The following ZNF140 variants were observed in gnomAD, a reference collection of about 807,000 sequenced individuals.
ZNF140 encodes the protein zinc finger protein 140 (clone pHZ-39).
ZNF140 carries 13 observed loss-of-function variants against 12.9 expected under a neutral mutation model. The observed-to-expected ratio is 1.01, with a 90% confidence interval of 0.66 to 1.60. ZNF140 has a LOEUF of 1.60. ZNF140 is among the 40% of genes most tolerant of loss of function. The pLI is 0.00. For synonymous variants in ZNF140, 214 were observed against 186.7 expected (o/e 1.15, Z -1.19); for missense variants, 531 against 548.8 (o/e 0.97, Z 0.32).
chr12:133,093,819 A>G lies in ZNF140; in HGVS notation c.232+10258A>G, dbSNP rs796462790. ...CTCTTCCTCTCTCTCTCTCTCACAC[A>G]CTTTATCTCCAGTTTCACTTTCTGT... On this transcript the variant is annotated intron_variant, in intron 4 of 4. Coordinates refer to ENST00000355557, the MANE Select transcript of ZNF140 (RefSeq NM_003440.4). Among the ~76,000 whole-genome samples the G allele has an allele frequency of 3.8e-4, 57 of 150,162 alleles. 1 individual carries two copies. The highest frequency in any genetic ancestry group is 1.3e-3 in the African/African-American group (54 of 40,410).
chr12:133,081,194 A>G, intron 1 of ZNF140, 79 bp from the exon 2 acceptor site: 1 of 576,414 alleles, frequency 1.7e-6, no homozygotes, highest in Non-Finnish European at 3.1e-6. Flanking sequence ...GGCCACGGGA[A>G]TCCCCAGTGC....
At chr12:133,097,818 C>CGT (rs1377287336) in intron 4 of ZNF140, among the ~76,000 whole-genome samples, 36 of 106,584 alleles carry the variant, frequency 3.4e-4, no homozygotes, top group African/African-American at 4.6e-4. Context: ...CACATCTAAC[C>CGT]ATGTGTGTGT....
rs1955614689 is a variant in ZNF140 at position 133,106,730 on chromosome 12, G to A, written c.*79G>A. On this transcript the variant is annotated 3_prime_UTR_variant, in exon 5 of 5. Coordinates refer to ENST00000355557, the MANE Select transcript of ZNF140 (RefSeq NM_003440.4). ...TAATGCCTTACTTCAGAGAACTCTT[G>A]GAAAGAAGCCTTATGTGAAAGTGAT... is the stretch of plus-strand genomic sequence containing the variant. 1.5e-6 allele frequency: 2 copies of A among 1,295,724 alleles called. No individual in the cohort carries two copies. The highest frequency in any genetic ancestry group is 2.1e-6 in the Non-Finnish European group (2 of 958,506). The allele number at this position is 1,295,724 out of a possible 1,614,324, so 80.3% of individuals were successfully genotyped here.
intron 1 of ZNF140, 45 bp downstream of exon 1, chr12:133,081,117 C>G (rs377455750): frequency 3.7e-6 from 1 of 270,058 alleles, no homozygotes; most frequent in Admixed American, 4.5e-5. Flanking sequence ...AAGAGAAAGC[C>G]GGCGCCAGTG....
At chr12:133,087,054 T>A (rs1033474549) in intron 4 of ZNF140, among the ~76,000 whole-genome samples, 12 of 152,280 alleles carry the variant, frequency 7.9e-5, no homozygotes, top group Admixed American at 7.8e-4. Context: ...CCCCTGCCCC[T>A]TTTTTTCTCT....
chr12:133,082,994 A>G, intron 2 of ZNF140, 109 bp from the exon 3 acceptor site: 1 of 1,509,808 alleles, frequency 6.6e-7, no homozygotes, highest in Non-Finnish European at 9.0e-7. Context: ...TCTCACTGTT[A>G]CTACTTAGAC....
At chr12:133,085,586 A>G (rs972989606) in intron 4 of ZNF140, among the ~76,000 whole-genome samples, 2 of 152,192 alleles carry the variant, frequency 1.3e-5, no homozygotes, top group Non-Finnish European at 2.9e-5. Flanking sequence ...TTTATGGTAA[A>G]GTAGCTTCCT....
Position 133,106,603 on chromosome 12 carries a change from A to C in ZNF140, c.1326A>C (p.Glu442Asp), listed in dbSNP as rs777432624. 5.6e-6 allele frequency: 9 copies of C among 1,606,728 alleles called. No individual in the cohort carries two copies. In the Admixed American group the frequency reaches 1.4e-4, roughly 25 times the overall value. ...CACACACTCTTGACAACCCCTATGA[A>C]TATGAAAATTCATTTAATTACCACT... ...QRTHTLDNPY[E>D]YENSFNYHSF... is the part of the protein sequence containing the mutation. Residue 442 changes from glutamate (E) to aspartate (D), a missense_variant, in exon 5 of 5, where the codon GAA (glutamate) becomes GAC (aspartate). Glu to Asp is a conservative substitution (Grantham distance 45, BLOSUM62 2). Coordinates refer to ENST00000355557, the MANE Select transcript of ZNF140 (RefSeq NM_003440.4).
At chr12:133,100,851 T>TA (rs1955321566) in intron 4 of ZNF140, 1 of 285,376 alleles carries the variant, frequency 3.5e-6, no homozygotes, top group Non-Finnish European at 7.1e-6. Context: ...GCAGCATAGA[T>TA]ATGCCAGGAC....
At position 133,083,199 on chromosome 12, in the gene ZNF140, T is replaced by A. The variant is rs1257565725; in HGVS notation, c.106T>A (p.Leu36Met). ...AQRDLYRCVM[L>M]ENYGHLVSLG... is the part of the protein sequence containing the mutation. ...AAGAGATTTGTACAGATGTGTAATGTTGGAGAACTATGGCCATCTGGTCTC... is the reference window on the plus strand; with the variant it reads ...AAGAGATTTGTACAGATGTGTAATGATGGAGAACTATGGCCATCTGGTCTC... Residue 36 changes from leucine (L) to methionine (M), a missense_variant, in exon 3 of 5, where the codon TTG (leucine) becomes ATG (methionine). Physicochemically the swap from Leu to Met is conservative, Grantham distance 15. Transcript: ENST00000355557. 6.2e-7 allele frequency: 1 copy of A among 1,613,928 alleles called. No individual in the cohort carries two copies. Among genetic ancestry groups the A allele is most frequent in the Non-Finnish European group, 8.5e-7 (1 of 1,179,938 alleles).
intron 4 of ZNF140, among the ~76,000 whole-genome samples, chr12:133,084,865 G>A (rs1302008008): frequency 1.3e-5 from 2 of 152,286 alleles, no homozygotes; most frequent in East Asian, 1.9e-4. Context: ...TACTAATGTG[G>A]GCTGAAGCAG....
intron 4 of ZNF140, among the ~76,000 whole-genome samples, chr12:133,104,619 G>A (rs1206636348): frequency 1.3e-5 from 2 of 152,114 alleles, no homozygotes; most frequent in Non-Finnish European, 2.9e-5. Context: ...CCAAAGTGCT[G>A]AGATTACAGG....
intron 4 of ZNF140, among the ~76,000 whole-genome samples, chr12:133,091,065 G>T (rs903275319): frequency 8.1e-5 from 12 of 148,972 alleles, no homozygotes; most frequent in African/African-American, 2.7e-4. Flanking sequence ...TATCTCAACT[G>T]CAAGAGGCTT....
chr12:133,100,731 G>A (rs1955316151), intron 4 of ZNF140, among the ~76,000 whole-genome samples: 1 of 152,062 alleles, frequency 6.6e-6, no homozygotes, highest in South Asian at 2.1e-4. Flanking sequence ...CACTATTCTT[G>A]TGCTTTGGGG....
chr12:133,090,968 C>T (rs1418773679), intron 4 of ZNF140, among the ~76,000 whole-genome samples: 5 of 148,006 alleles, frequency 3.4e-5, no homozygotes, highest in African/African-American at 7.5e-5. Flanking sequence ...GGTTTTGCTA[C>T]TATCTCAGAA....
chr12:133,081,541 C>T, intron 2 of ZNF140: 1 of 456,542 alleles, frequency 2.2e-6, no homozygotes, highest in South Asian at 1.6e-5. Context: ...GGACTTGGGA[C>T]GTGGCTTTCT....
chr12:133,094,145 G>T (rs1954988238), intron 4 of ZNF140, among the ~76,000 whole-genome samples: 1 of 151,106 alleles, frequency 6.6e-6, no homozygotes, highest in African/African-American at 2.5e-5. Flanking sequence ...ATTTGTCTCT[G>T]GTTTCTGGAG....
At chr12:133,081,598 T>C in intron 2 of ZNF140, 1 of 454,454 alleles carries the variant, frequency 2.2e-6, no homozygotes, top group South Asian at 1.6e-5. Flanking sequence ...CCCTGTCCCT[T>C]GTTCCTCCTT....
At position 133,083,204 on chromosome 12, in the gene ZNF140, G is replaced by C; in HGVS notation, c.111G>C (p.Glu37Asp). 1.4e-5 allele frequency: 22 copies of C among 1,613,872 alleles called. No individual in the cohort carries two copies. The highest frequency in any genetic ancestry group is 1.9e-5 in the Non-Finnish European group (22 of 1,179,822). The change falls in exon 3 of 5, where the codon GAG (glutamate) becomes GAC (aspartate). Residue 37 changes from glutamate to aspartate, a missense_variant. Transcript: ENST00000355557. ...ATTTGTACAGATGTGTAATGTTGGAGAACTATGGCCATCTGGTCTCACTGG... is the reference window on the plus strand; with the variant it reads ...ATTTGTACAGATGTGTAATGTTGGACAACTATGGCCATCTGGTCTCACTGG... ...QRDLYRCVML[E>D]NYGHLVSLGL...
Sources: allele counts gnomAD v4.1 joint callset (sites outside exome capture counted in the v4.1 genomes callset), GRCh38; gene constraint gnomAD v4.1.1; transcripts MANE v1.5; gene names NCBI Gene and HGNC (gene_info 2026-07-23, HGNC 2026-07-21).